LSAMP: variants seen among roughly 807,000 people sequenced by gnomAD.
The protein encoded by LSAMP is limbic system-associated membrane protein.
Under a neutral mutation model 38.6 loss-of-function variants are expected in LSAMP, and 7 were observed. That is an observed-to-expected ratio of 0.18 (90% CI 0.10 to 0.34). LSAMP has a LOEUF of 0.34. Ranked by LOEUF, LSAMP falls within the 10% of genes least tolerant of loss-of-function variation. The pLI is 1.00. For synonymous variants in LSAMP, 154 were observed against 166.8 expected, an observed-to-expected ratio of 0.92 and a Z score of 0.59; for missense variants, 313 against 420.0, an observed-to-expected ratio of 0.75 and a Z score of 2.23.
chr3:116,342,570 C>A (rs1170482142), intron 1 of LSAMP, among the ~76,000 whole-genome samples: 3 of 151,980 alleles, frequency 2.0e-5, no homozygotes, highest in Non-Finnish European at 4.4e-5. Flanking sequence ...TCCCTGTGAC[C>A]TTCAAATGAC....
At chr3:116,019,456 A>G in intron 3 of LSAMP, 59 bp downstream of exon 3, 3 of 1,574,892 alleles carry the variant, frequency 1.9e-6, no homozygotes, top group East Asian at 4.6e-5. Context: ...GCAGAATTCC[A>G]GGAGCATGAG....
chr3:116,102,203 C>T lies in LSAMP; in HGVS notation c.156-15647G>A, dbSNP rs570941942. Among the ~76,000 whole-genome samples the T allele has an allele frequency of 2.0e-5, 3 of 152,234 alleles. 1 individual carries two copies. In the South Asian group the frequency reaches 6.2e-4, roughly 32 times the overall value. ...GAAGGCAACTAAAATTTAGGCAGTC[C>T]AGATTCTTTCAGTCAACAGGAGGCA... On this transcript the variant is annotated intron_variant, in intron 1 of 6. Coordinates refer to ENST00000490035, the MANE Select transcript of LSAMP (RefSeq NM_002338.5).
At chr3:116,384,370 G>A (rs189165297) in intron 1 of LSAMP, among the ~76,000 whole-genome samples, 1 of 152,018 alleles carries the variant, frequency 6.6e-6, no homozygotes, top group Admixed American at 6.6e-5. Context: ...TGTACATTAG[G>A]ATCACCTAAA....
At chr3:115,851,042 C>T (rs1323804244) in intron 4 of LSAMP, among the ~76,000 whole-genome samples, 7 of 152,176 alleles carry the variant, frequency 4.6e-5, no homozygotes, top group East Asian at 1.9e-4. Context: ...GGCGCGATCT[C>T]GGCTCACTGC....
At chr3:116,399,131 A>G (rs1205745697) in intron 1 of LSAMP, among the ~76,000 whole-genome samples, 2 of 152,240 alleles carry the variant, frequency 1.3e-5, no homozygotes, top group East Asian at 1.9e-4. Context: ...ATGATTTAAA[A>G]TAAGACTAGA....
intron 2 of LSAMP, among the ~76,000 whole-genome samples, chr3:116,064,804 A>C (rs1390610457): frequency 6.6e-6 from 1 of 152,160 alleles, no homozygotes; most frequent in Non-Finnish European, 1.5e-5. Flanking sequence ...CACAAAAGGT[A>C]ATATAACTTG....
intron 3 of LSAMP, among the ~76,000 whole-genome samples, chr3:115,977,126 A>AT (rs200624029): frequency 0.011 from 1,702 of 152,286 alleles, 33 homozygotes; most frequent in African/African-American, 0.038. Flanking sequence ...AAGTGAGAAG[A>AT]TTTAGAATGA....
At chr3:115,859,093 G>A (rs1351818303) in intron 3 of LSAMP, among the ~76,000 whole-genome samples, 1 of 152,166 alleles carries the variant, frequency 6.6e-6, no homozygotes, top group Non-Finnish European at 1.5e-5. Flanking sequence ...CCAGCCATGT[G>A]TCTCTCCAGA....
intron 1 of LSAMP, among the ~76,000 whole-genome samples, chr3:116,305,933 CTTTT>C (rs11347560): frequency 6.9e-5 from 10 of 143,988 alleles, no homozygotes; most frequent in African/African-American, 1.8e-4. Context: ...TATTTCAGTG[CTTTT>C]TTTTTTTTTT....
chr3:116,332,379 AG>A (rs926937891), intron 1 of LSAMP, among the ~76,000 whole-genome samples: 11 of 152,168 alleles, frequency 7.2e-5, no homozygotes, highest in African/African-American at 2.4e-4. Flanking sequence ...GTAAAGGAGC[AG>A]GGTTTTGTAT....
At chr3:116,130,876 C>T (rs758786610) in intron 1 of LSAMP, among the ~76,000 whole-genome samples, 4 of 151,948 alleles carry the variant, frequency 2.6e-5, no homozygotes, top group East Asian at 1.9e-4. Flanking sequence ...CCTCCCTTTT[C>T]GAATTCTTCC....
At chr3:116,044,622 T>TAA (rs56917180) in intron 2 of LSAMP, among the ~76,000 whole-genome samples, 10 of 136,050 alleles carry the variant, frequency 7.4e-5, no homozygotes, top group African/African-American at 7.9e-5. Flanking sequence ...TAATTGTATC[T>TAA]AAAAAAAAAA....
At chr3:115,951,845 C>CATATATAT (rs139707614) in intron 3 of LSAMP, among the ~76,000 whole-genome samples, 19 of 149,792 alleles carry the variant, frequency 1.3e-4, no homozygotes, top group African/African-American at 4.7e-4. Flanking sequence ...TTAATAAAGT[C>CATATATAT]ATATATATAT....
rs201931928 is a variant in LSAMP, at chr3:116,306,634, A to G, written c.155+138243T>C. On this transcript the variant is annotated intron_variant, in intron 1 of 6. Coordinates refer to ENST00000490035, the MANE Select transcript of LSAMP (RefSeq NM_002338.5). Reference sequence around the variant, plus strand: ...GCTTAGTGGAATAAACGTCCACAAGATTTTGCTGTCCAGATTCCACAGCTG... The same window carrying G: ...GCTTAGTGGAATAAACGTCCACAAGGTTTTGCTGTCCAGATTCCACAGCTG... 3.9e-5 allele frequency among the ~76,000 whole-genome samples: 6 copies of G among 152,094 alleles called. No individual in the cohort carries two copies. The East Asian group carries it at 1.2e-3, about 29-fold the overall frequency.
chr3:116,303,461 T>A (rs79114456), intron 1 of LSAMP, among the ~76,000 whole-genome samples: 2,555 of 152,284 alleles, frequency 0.017, 61 homozygotes, highest in African/African-American at 0.057. Context: ...CTCAAATAAT[T>A]TTTTTCTATT....
chr3:116,246,105 G>T (rs541481455), intron 1 of LSAMP, among the ~76,000 whole-genome samples: 7 of 152,216 alleles, frequency 4.6e-5, no homozygotes, highest in Non-Finnish European at 8.8e-5. Flanking sequence ...GCTTAAAACC[G>T]CCAATTAATG....
chr3:115,894,711 C>T (rs939495248), intron 3 of LSAMP, among the ~76,000 whole-genome samples: 4 of 151,968 alleles, frequency 2.6e-5, no homozygotes, highest in African/African-American at 9.7e-5. Flanking sequence ...ATTAATTTGC[C>T]TGTAATGAAA....
At chr3:116,166,819 CTCTG>C (rs1264227289) in intron 1 of LSAMP, among the ~76,000 whole-genome samples, 7 of 133,218 alleles carry the variant, frequency 5.3e-5, no homozygotes, top group Admixed American at 8.0e-5. Flanking sequence ...CGGAGTCTCA[CTCTG>C]TCTGTCACCC....
At chr3:116,267,972 G>A (rs1380475601) in intron 1 of LSAMP, among the ~76,000 whole-genome samples, 1 of 152,100 alleles carries the variant, frequency 6.6e-6, no homozygotes, top group Non-Finnish European at 1.5e-5. Flanking sequence ...TGCACCAGGA[G>A]GATGAAAGCA....
Sources: gnomAD v4.1 joint callset for allele counts (sites outside exome capture counted in the v4.1 genomes callset) on GRCh38, gnomAD v4.1.1 for gene constraint, MANE v1.5 for transcripts, NCBI Gene and HGNC (gene_info 2026-07-23, HGNC 2026-07-21) for gene names.